Variants in LCORL observed in about 807,000 individuals in gnomAD.
LCORL encodes the protein ligand dependent nuclear receptor corepressor like.
Under a neutral mutation model 141.8 loss-of-function variants are expected in LCORL, and 41 were observed. The observed-to-expected ratio is 0.29, with a 90% CI of 0.23 to 0.38. The LOEUF (loss-of-function observed/expected upper bound fraction) is 0.38, where lower values mean the gene tolerates loss of function less well. LCORL is among the 10% of genes least tolerant of loss of function. The probability of loss-of-function intolerance (pLI) is 1.00; values close to 1 mark genes in which losing one functional copy is unlikely to be tolerated. For missense variants in LCORL, 1,759 were observed against 2,035.0 expected (o/e 0.86, Z 2.61); for synonymous variants, 618 against 694.1 (o/e 0.89, Z 1.72).
At chr4:18,008,538 T>G (rs1175361895) in intron 1 of LCORL, among the ~76,000 whole-genome samples, 7 of 152,244 alleles carry the variant, frequency 4.6e-5, no homozygotes, top group South Asian at 2.1e-4. Context: ...AGACTGGATG[T>G]GAATTCTACT....
chr4:17,877,089 A>G, exon 7 of LCORL: 1 of 1,230,728 alleles, frequency 8.1e-7, no homozygotes, highest in Non-Finnish European at 1.0e-6. Context: ...AAGACTAGCA[A>G]GTTCTCTTTT....
exon 7 of LCORL, chr4:17,874,834 C>A (rs1726744069): frequency 8.1e-7 from 1 of 1,233,528 alleles, no homozygotes; most frequent in African/African-American, 1.6e-5. Flanking sequence ...CTTGGGGTAT[C>A]TTTGTAAGCT....
At chr4:17,885,535 C>G (rs758874134) in intron 6 of LCORL, among the ~76,000 whole-genome samples, 3 of 151,624 alleles carry the variant, frequency 2.0e-5, no homozygotes, top group South Asian at 2.1e-4. Context: ...TCCAACAGAA[C>G]AGCATTTCAC....
chr4:17,975,888 T>C (rs78144460), intron 1 of LCORL, among the ~76,000 whole-genome samples: 4,365 of 152,308 alleles, frequency 0.029, 80 homozygotes, highest in Middle Eastern at 0.054. Context: ...ATTTAGCTGA[T>C]TGATAATGTT....
intron 7 of LCORL, among the ~76,000 whole-genome samples, chr4:17,869,978 C>CTA (rs957315888): frequency 6.6e-5 from 10 of 152,082 alleles, no homozygotes; most frequent in Non-Finnish European, 1.5e-4. Flanking sequence ...ATTACTGCTA[C>CTA]TATTAGGGCT....
intron 6 of LCORL, among the ~76,000 whole-genome samples, chr4:17,879,568 T>C (rs571218861): frequency 6.6e-6 from 1 of 151,118 alleles, no homozygotes; most frequent in Non-Finnish European, 1.5e-5. Flanking sequence ...TAATTTTTTA[T>C]AAACTTTGTC....
At chr4:17,902,396 C>G (rs927988978) in intron 5 of LCORL, among the ~76,000 whole-genome samples, 1 of 152,090 alleles carries the variant, frequency 6.6e-6, no homozygotes, top group African/African-American at 2.4e-5. Context: ...AACATGGCAT[C>G]TTCCCAAGCA....
intron 4 of LCORL, among the ~76,000 whole-genome samples, chr4:17,911,058 C>A (rs544030755): frequency 7.9e-5 from 12 of 152,188 alleles, no homozygotes; most frequent in African/African-American, 2.9e-4. Flanking sequence ...TCTCTCCATG[C>A]CTCAGTTTCT....
chr4:17,962,255 CAA>C (rs369162765), intron 3 of LCORL, among the ~76,000 whole-genome samples: 84 of 114,578 alleles, frequency 7.3e-4, no homozygotes, highest in Middle Eastern at 5.0e-3. Context: ...AAACTACAGT[CAA>C]AAAAAAAAAA....
At chr4:17,992,870 G>C (rs1056970559) in intron 1 of LCORL, among the ~76,000 whole-genome samples, 1 of 152,146 alleles carries the variant, frequency 6.6e-6, no homozygotes, top group African/African-American at 2.4e-5. Context: ...TTGCTATTAA[G>C]CACTGACTCC....
At chr4:17,886,745 C>A (rs145411806) in intron 5 of LCORL, among the ~76,000 whole-genome samples, 1 of 151,836 alleles carries the variant, frequency 6.6e-6, no homozygotes. Flanking sequence ...CTTATATCTA[C>A]GACTAAAGAC....
chr4:17,848,172 AG>A (rs938800667), intron 7 of LCORL, among the ~76,000 whole-genome samples: 16 of 152,208 alleles, frequency 1.1e-4, no homozygotes, highest in African/African-American at 3.9e-4. Context: ...AGAAAATGTC[AG>A]TTTTGAAAAA....
exon 8 of LCORL, chr4:17,841,882 G>GA (rs1007905632): frequency 6.6e-4 from 100 of 151,214 alleles, no homozygotes; most frequent in Admixed American, 1.9e-3. Context: ...CACCTTCCAA[G>GA]AAAAAAAAAA....
chr4:17,967,823 G>A (rs1472820814), intron 2 of LCORL, among the ~76,000 whole-genome samples: 1 of 151,822 alleles, frequency 6.6e-6, no homozygotes, highest in Non-Finnish European at 1.5e-5. Flanking sequence ...TCTGCCTTTA[G>A]TTTTAATTGC....
intron 5 of LCORL, 53 bp downstream of exon 5, chr4:17,909,041 T>C (rs1409273101): frequency 2.8e-6 from 4 of 1,443,676 alleles, no homozygotes; most frequent in East Asian, 2.3e-5. Context: ...TAAATATACA[T>C]TTAACGATAT....
At chr4:17,866,729 T>TA (rs967851533) in intron 7 of LCORL, among the ~76,000 whole-genome samples, 97 of 152,188 alleles carry the variant, frequency 6.4e-4, no homozygotes, top group African/African-American at 2.3e-3. Flanking sequence ...GTGAATTCAC[T>TA]AGGCTTAACG....
At chr4:17,986,320 G>A (rs1330567425) in intron 1 of LCORL, among the ~76,000 whole-genome samples, 4 of 152,146 alleles carry the variant, frequency 2.6e-5, no homozygotes, top group Non-Finnish European at 4.4e-5. Flanking sequence ...GGTTGGGGAG[G>A]TTTTCATGGG....
At chr4:17,997,869 G>GA (rs1448954485) in intron 1 of LCORL, among the ~76,000 whole-genome samples, 19 of 152,042 alleles carry the variant, frequency 1.2e-4, no homozygotes, top group African/African-American at 4.6e-4. Flanking sequence ...GGCTAAAAAT[G>GA]AAAAACAAAA....
intron 1 of LCORL, among the ~76,000 whole-genome samples, chr4:17,976,352 T>C (rs2109690906): frequency 6.6e-6 from 1 of 152,306 alleles, no homozygotes; most frequent in East Asian, 1.9e-4. Context: ...CTCCACAACA[T>C]TATTTTAAGT....
Sources: allele counts gnomAD v4.1 joint callset (sites outside exome capture counted in the v4.1 genomes callset), GRCh38; gene constraint gnomAD v4.1.1; transcripts MANE v1.5; gene names NCBI Gene and HGNC (gene_info 2026-07-23, HGNC 2026-07-21).